STON2: variants seen among roughly 807,000 people sequenced by gnomAD.
STON2 encodes the protein stonin-2.
A neutral mutation model predicts 65.7 loss-of-function variants in STON2; 29 were observed. The observed-to-expected ratio is 0.44, with a 90% CI of 0.33 to 0.60. The LOEUF (loss-of-function observed/expected upper bound fraction) is 0.60, where lower values mean the gene tolerates loss of function less well. Among genes scored for constraint, STON2 ranks in the 20% least tolerant of loss-of-function variants. The pLI is 0.03. For missense variants in STON2, 1,054 were observed against 1,118.1 expected (o/e 0.94, Z 0.82); for synonymous variants, 404 against 414.2 (o/e 0.98, Z 0.30).
intron 3 of STON2, among the ~76,000 whole-genome samples, chr14:81,389,754 G>A (rs140583683): frequency 7.9e-4 from 121 of 152,326 alleles, no homozygotes; most frequent in Non-Finnish European, 1.3e-3. Flanking sequence ...AGAAGTAAAC[G>A]ATAATTAACA....
At chr14:81,337,724 T>G (rs563673792) in intron 4 of STON2, among the ~76,000 whole-genome samples, 2 of 152,266 alleles carry the variant, frequency 1.3e-5, no homozygotes, top group South Asian at 4.1e-4. Flanking sequence ...GTGACTGACA[T>G]AGCACAGCTG....
Position 81,277,885 on chromosome 14 carries a change from G to T in STON2, c.1597C>A (p.Leu533Met). 6.2e-7 allele frequency: 1 copy of T among 1,614,208 alleles called. No homozygotes were observed. Residue 533 changes from leucine (L) to methionine (M), a missense_variant, in exon 6 of 8, where the codon CTG (leucine) becomes ATG (methionine). Coordinates refer to ENST00000614646, the MANE Select transcript of STON2 (RefSeq NM_001394390.1). ...TCTGAAATCTCATGACAGATCTCCA[G>T]CTTGAACTCACGGAATGGTTTTTCT... The part of the protein sequence containing the change: ...GLEKPFREFK[L>M]EICHEISEPR...
chr14:81,400,477 T>C (rs1391962249), upstream of STON2, among the ~76,000 whole-genome samples: 1 of 3,864 alleles, frequency 2.6e-4, no homozygotes, highest in Non-Finnish European at 6.2e-4. Flanking sequence ...ACAGCACCCG[T>C]CAAAAAAAAA....
chr14:81,408,252 G>A (rs543808749), intron 2 of STON2, among the ~76,000 whole-genome samples: 1 of 151,952 alleles, frequency 6.6e-6, no homozygotes, highest in African/African-American at 2.4e-5. Context: ...TTATTATTTC[G>A]ACGTTTAAAA....
At chr14:81,307,904 G>C (rs1043238420) in intron 5 of STON2, among the ~76,000 whole-genome samples, 6 of 152,128 alleles carry the variant, frequency 3.9e-5, no homozygotes, top group African/African-American at 1.4e-4. Context: ...TATTTTAGTA[G>C]TTATGTTTTT....
intron 3 of STON2, among the ~76,000 whole-genome samples, chr14:81,377,543 C>T (rs188472664): frequency 1.3e-5 from 2 of 152,294 alleles, no homozygotes; most frequent in Admixed American, 6.5e-5. Context: ...AGTGCAATTG[C>T]TGGGTCATAC....
chr14:81,272,355 T>C (rs1191428422), intron 6 of STON2, among the ~76,000 whole-genome samples: 2 of 152,184 alleles, frequency 1.3e-5, no homozygotes, highest in East Asian at 1.9e-4. Flanking sequence ...TAGAGAGGGA[T>C]TGAGCTGTAA....
chr14:81,337,781 T>C (rs1419251718), intron 4 of STON2, among the ~76,000 whole-genome samples: 2 of 152,040 alleles, frequency 1.3e-5, no homozygotes, highest in African/African-American at 4.8e-5. Context: ...TCACTGTATG[T>C]ATGGGGGTGT....
At chr14:81,273,279 A>C (rs1263841917) in intron 6 of STON2, among the ~76,000 whole-genome samples, 1 of 152,222 alleles carries the variant, frequency 6.6e-6, no homozygotes, top group Non-Finnish European at 1.5e-5. Flanking sequence ...GAAAGCTATT[A>C]TGGTTTAATT....
At chr14:81,397,284 G>A (rs1318215404) in intron 2 of STON2, among the ~76,000 whole-genome samples, 1 of 151,944 alleles carries the variant, frequency 6.6e-6, no homozygotes, top group Non-Finnish European at 1.5e-5. Context: ...AATAAAATGT[G>A]AGCTACATAT....
At chr14:81,270,038 T>C in intron 7 of STON2, 1 of 983,750 alleles carries the variant, frequency 1.0e-6, no homozygotes, top group African/African-American at 1.7e-5. Context: ...CTCACTACTC[T>C]GTGACATAAA....
intron 5 of STON2, among the ~76,000 whole-genome samples, chr14:81,305,626 T>A (rs1295952078): frequency 2.0e-5 from 3 of 152,014 alleles, no homozygotes; most frequent in African/African-American, 7.3e-5. Flanking sequence ...ATGTATTTAT[T>A]GCAAATATCT....
chr14:81,299,315 A>G (rs1035250892), intron 5 of STON2, among the ~76,000 whole-genome samples: 4 of 152,238 alleles, frequency 2.6e-5, no homozygotes, highest in African/African-American at 9.6e-5. Flanking sequence ...CATTAACTGT[A>G]ATAGTAATAC....
intron 5 of STON2, among the ~76,000 whole-genome samples, chr14:81,301,013 C>T (rs544208321): frequency 6.6e-6 from 1 of 152,142 alleles, no homozygotes; most frequent in Admixed American, 6.5e-5. Context: ...ATAAAATGAC[C>T]ATTTATATAT....
intron 4 of STON2, among the ~76,000 whole-genome samples, chr14:81,364,231 T>C (rs1379564871): frequency 6.6e-6 from 1 of 152,162 alleles, no homozygotes; most frequent in African/African-American, 2.4e-5. Flanking sequence ...TAAATGCAAA[T>C]GAATCAAGAA....
intron 5 of STON2, among the ~76,000 whole-genome samples, chr14:81,317,740 A>G (rs976339146): frequency 6.6e-6 from 1 of 152,200 alleles, no homozygotes; most frequent in African/African-American, 2.4e-5. Context: ...CGGGATGACA[A>G]TAAGGGGATA....
At position 81,267,460 on chromosome 14, in the gene STON2, G is replaced by C. The variant is rs1247370925; in HGVS notation, c.*954C>G. On this transcript the variant is annotated 3_prime_UTR_variant, in exon 8 of 8. Transcript: ENST00000614646. ...CTATAAAGTTGGGTTAAAGGGACATGCAACTGTCTATTGGTCATGAGGTAT... is the reference window on the plus strand; with the variant it reads ...CTATAAAGTTGGGTTAAAGGGACATCCAACTGTCTATTGGTCATGAGGTAT... 1 of 985,038 alleles carries C rather than the reference G, an allele frequency of 1.0e-6. No individual in the cohort carries two copies. The highest frequency in any genetic ancestry group is 6.2e-5 in the Admixed American group (1 of 16,250). 61.0% of individuals were successfully genotyped at this position (985,038 alleles called of 1,614,324 possible).
At chr14:81,407,807 T>C (rs996675392) in intron 2 of STON2, among the ~76,000 whole-genome samples, 3 of 152,238 alleles carry the variant, frequency 2.0e-5, no homozygotes, top group African/African-American at 7.2e-5. Flanking sequence ...AGCAAGATAT[T>C]CAGCTACCTT....
At chr14:81,392,218 G>T (rs1310234085) in intron 3 of STON2, among the ~76,000 whole-genome samples, 1 of 152,118 alleles carries the variant, frequency 6.6e-6, no homozygotes, top group African/African-American at 2.4e-5. Flanking sequence ...CAGAGGGGAG[G>T]GGGTTCCCAG....
Sources: allele counts gnomAD v4.1 joint callset (sites outside exome capture counted in the v4.1 genomes callset), GRCh38; gene constraint gnomAD v4.1.1; transcripts MANE v1.5; gene names NCBI Gene and HGNC (gene_info 2026-07-23, HGNC 2026-07-21).